Variants in TENM4 observed in about 807,000 individuals in gnomAD.
TENM4 encodes teneurin transmembrane protein 4.
TENM4 carries 82 observed loss-of-function variants against 243.3 expected under a neutral mutation model. The ratio of observed to expected loss-of-function variants is 0.34; its 90% CI spans 0.28 to 0.40. The LOEUF (loss-of-function observed/expected upper bound fraction) is 0.40, where lower values mean the gene tolerates loss of function less well. Ranked by LOEUF, TENM4 falls within the 10% of genes least tolerant of loss-of-function variation. TENM4 has a pLI of 1.00. For synonymous variants in TENM4, 1,412 were observed against 1,456.3 expected (o/e 0.97, Z 0.69); for missense variants, 3,138 against 3,673.3 (o/e 0.85, Z 3.77).
intron 9 of TENM4, among the ~76,000 whole-genome samples, chr11:78,881,810 A>G (rs575752149): frequency 2.0e-5 from 3 of 152,264 alleles, no homozygotes; most frequent in Admixed American, 6.5e-5. Context: ...TCCCTTCGTC[A>G]GCATTTCAGA....
At chr11:79,205,879 A>G (rs898491376) in intron 3 of TENM4, among the ~76,000 whole-genome samples, 1 of 152,236 alleles carries the variant, frequency 6.6e-6, no homozygotes, top group African/African-American at 2.4e-5. Flanking sequence ...AGGAGGCACT[A>G]CTAATGTTGA....
chr11:78,715,885 A>G (rs916185727), intron 25 of TENM4, among the ~76,000 whole-genome samples: 1 of 152,102 alleles, frequency 6.6e-6, no homozygotes, highest in Non-Finnish European at 1.5e-5. Flanking sequence ...ATGCCCATCT[A>G]GACTCCACCA....
rs1263198070 is a variant in TENM4 at position 78,731,911 on chromosome 11, G to C, written c.3138+405C>G. On this transcript the variant is annotated intron_variant, in intron 21 of 33. Transcript: ENST00000278550. ...TTTCTCATTTAATCTTTATTATAAT[G>C]CTCACTCTTCGGGATCCTTTGGCAC... Among the ~76,000 whole-genome samples the C allele has an allele frequency of 2.0e-5, 3 of 152,140 alleles. No homozygotes were observed. In the East Asian group the frequency reaches 5.8e-4, roughly 29 times the overall value.
At position 79,165,978 on chromosome 11, in the gene TENM4, A is replaced by C. The variant is rs572135228; in HGVS notation, c.-162-17172T>G. Among the ~76,000 whole-genome samples, 4 of 152,242 alleles carry C rather than the reference A, an allele frequency of 2.6e-5. No homozygotes were observed. The South Asian group carries it at 8.3e-4, about 32-fold the overall frequency. ...ATTTGGCTTTATTTCTGGGTTTTCT[A>C]TTCTGTTCCATTGGTCTATATGAGG... On this transcript the variant is annotated intron_variant, in intron 3 of 33. Coordinates refer to ENST00000278550, the MANE Select transcript of TENM4 (RefSeq NM_001098816.3).
At chr11:79,278,211 G>T (rs952360794) in intron 2 of TENM4, among the ~76,000 whole-genome samples, 2 of 152,198 alleles carry the variant, frequency 1.3e-5, no homozygotes, top group Non-Finnish European at 2.9e-5. Flanking sequence ...AAGGCAGGGG[G>T]ACTTAGGAGT....
rs1483041186 is a variant in TENM4 at position 79,440,737 on chromosome 11, G to C, written c.-549C>G. On this transcript the variant is annotated 5_prime_UTR_variant, in exon 1 of 34. Coordinates refer to ENST00000278550, the MANE Select transcript of TENM4 (RefSeq NM_001098816.3). The surrounding 1 kb of genome is among the most constrained non-coding windows in gnomAD (Gnocchi z 4.7). ...AGCGAGCCTCCAGCCGCGCGCGCAC[G>C]ACCGGCTCCCGCTCCCGGCCGCTCC... The C allele has an allele frequency of 6.6e-6, 1 of 152,222 alleles. No homozygotes were observed. Among genetic ancestry groups the C allele is most frequent in the East Asian group, 2.0e-4 (1 of 5,128 alleles). The allele number at this position is 152,222 out of a possible 1,614,324, so 9.4% of individuals were successfully genotyped here. A position where few individuals can be genotyped will look rare whatever the true frequency, so the allele number is the denominator to read the frequency against.
chr11:78,987,873 G>A (rs141028936), intron 6 of TENM4, among the ~76,000 whole-genome samples: 4 of 152,206 alleles, frequency 2.6e-5, no homozygotes, highest in Admixed American at 1.3e-4. Flanking sequence ...GGCAGGTTAC[G>A]TTTTTTCCCC....
chr11:78,705,674 T>C (rs1226012027), intron 27 of TENM4, among the ~76,000 whole-genome samples: 2 of 152,120 alleles, frequency 1.3e-5, no homozygotes, highest in East Asian at 1.9e-4. Flanking sequence ...TGCAGAGTGA[T>C]TTTCTTGCAA....
intron 1 of TENM4, among the ~76,000 whole-genome samples, chr11:79,397,756 G>C (rs1858375718): frequency 6.6e-6 from 1 of 152,164 alleles, no homozygotes; most frequent in Non-Finnish European, 1.5e-5. Context: ...TTTTAGGGAG[G>C]GCTGGCTGCT....
chr11:79,031,640 G>A (rs1478193018), intron 6 of TENM4, among the ~76,000 whole-genome samples: 1 of 152,180 alleles, frequency 6.6e-6, no homozygotes, highest in Non-Finnish European at 1.5e-5. Context: ...AGAAGGTCAA[G>A]GTGAGGGGTT....
rs371724475 is a variant in TENM4 at position 79,239,906 on chromosome 11, G to A, written c.-264-23997C>T. Among the ~76,000 whole-genome samples, 13 of 152,240 alleles carry A rather than the reference G, an allele frequency of 8.5e-5. No homozygotes were observed. The East Asian group carries it at 1.4e-3, about 16-fold the overall frequency. On this transcript the variant is annotated intron_variant, in intron 2 of 33. Transcript: ENST00000278550. ...GGTAAGTCACTTCAGAACTCTCCAG[G>A]CCTGTTTCCTCCTTCAAAAGGTAAG...
chr11:78,860,862 A>G (rs146641055), intron 10 of TENM4, among the ~76,000 whole-genome samples: 39 of 152,364 alleles, frequency 2.6e-4, no homozygotes, highest in African/African-American at 8.7e-4. Flanking sequence ...AATTAAAATA[A>G]ACCAATAATC....
intron 6 of TENM4, among the ~76,000 whole-genome samples, chr11:78,972,843 A>G (rs1857574778): frequency 6.6e-6 from 1 of 152,138 alleles, no homozygotes; most frequent in Non-Finnish European, 1.5e-5. Context: ...TTGTCCTCCA[A>G]TTCCCTGCAG....
Position 78,702,384 on chromosome 11 carries a change from G to A in TENM4, c.4229C>T (p.Thr1410Ile). 6.2e-7 allele frequency: 1 copy of A among 1,612,404 alleles called. No individual in the cohort carries two copies. Among genetic ancestry groups the A allele is most frequent in the African/African-American group, 1.3e-5 (1 of 75,040 alleles). ...GTCCATTGGGTTGATGGCTAAGTCTGTGGGCCACTCCAGGTGAACCTGACA... is the reference window on the plus strand; with the variant it reads ...GTCCATTGGGTTGATGGCTAAGTCTATGGGCCACTCCAGGTGAACCTGACA... The part of the protein sequence containing the change: ...DISQVHLEWP[T>I]DLAINPMDNS... Residue 1410 changes from threonine to isoleucine, a missense_variant, in exon 28 of 34, where the codon ACA becomes ATA. Transcript: ENST00000278550.
chr11:79,196,184 T>C (rs1863623031), intron 3 of TENM4, among the ~76,000 whole-genome samples: 1 of 152,054 alleles, frequency 6.6e-6, no homozygotes, highest in African/African-American at 2.4e-5. Context: ...TTCGGGTATG[T>C]CTTTATCGGC....
intron 4 of TENM4, among the ~76,000 whole-genome samples, chr11:79,139,700 A>ATTTTATATAACTATATAAAATATATATT (rs1565220645): frequency 1.2e-4 from 8 of 68,170 alleles, no homozygotes; most frequent in African/African-American, 5.3e-4. Flanking sequence ...AAATATATAT[A>ATTTTATATAACTATATAAAATATATATT]ATATTTATAT....
In TENM4 at chr11:79,006,147, T is replaced by G. The variant is rs185492283; in HGVS notation, c.493+58591A>C. Among the ~76,000 whole-genome samples the G allele has an allele frequency of 1.7e-4, 26 of 152,274 alleles. No individual in the cohort carries two copies. In the East Asian group the frequency reaches 5.0e-3, roughly 29 times the overall value. On this transcript the variant is annotated intron_variant, in intron 6 of 33. Coordinates refer to ENST00000278550, the MANE Select transcript of TENM4 (RefSeq NM_001098816.3). ...CTCTCCTGGGAGGGGAATACTTGCT[T>G]TTTGAGGCAGTCATAATGTTTTCCT... is the stretch of plus-strand genomic sequence containing the variant.
At chr11:79,253,296 A>T (rs1855644054) in intron 2 of TENM4, among the ~76,000 whole-genome samples, 1 of 152,168 alleles carries the variant, frequency 6.6e-6, no homozygotes, top group African/African-American at 2.4e-5. Flanking sequence ...GAGCAAACTC[A>T]TCAATGTTCC....
chr11:79,299,853 A>C lies in TENM4; in HGVS notation c.-320-2310T>G, dbSNP rs191992963. 6.6e-5 allele frequency among the ~76,000 whole-genome samples: 10 copies of C among 152,326 alleles called. No individual in the cohort carries two copies. The East Asian group carries it at 1.9e-3, about 29-fold the overall frequency. ...ATTTCCTGTCATCTGGTTTTAAATTAATTGGCATGAATTTTTTATGACCAG... is the reference window on the plus strand; with the variant it reads ...ATTTCCTGTCATCTGGTTTTAAATTCATTGGCATGAATTTTTTATGACCAG... On this transcript the variant is annotated intron_variant, in intron 1 of 33. Coordinates refer to ENST00000278550, the MANE Select transcript of TENM4 (RefSeq NM_001098816.3).
Sources: allele counts gnomAD v4.1 joint callset (sites outside exome capture counted in the v4.1 genomes callset), GRCh38; gene constraint gnomAD v4.1.1; non-coding constraint Gnocchi (gnomAD v3.1); transcripts MANE v1.5; gene names NCBI Gene and HGNC (gene_info 2026-07-23, HGNC 2026-07-21).